SARDH: variants seen among roughly 807,000 people sequenced by gnomAD.
The protein encoded by SARDH is sarcosine dehydrogenase, mitochondrial.
Under a neutral mutation model 109.1 loss-of-function variants are expected in SARDH, and 95 were observed. That is an observed-to-expected ratio of 0.87 (90% CI 0.74 to 1.03). The LOEUF (loss-of-function observed/expected upper bound fraction) is 1.03, where lower values mean the gene tolerates loss of function less well. SARDH is among the 50% of genes least tolerant of loss of function. SARDH has a pLI of 0.00. For synonymous variants in SARDH, 572 were observed against 534.8 expected (o/e 1.07, Z -0.96); for missense variants, 1,267 against 1,287.8 (o/e 0.98, Z 0.25).
At chr9:133,664,164 G>T (rs1170091053) in intron 20 of SARDH, 150 bp from the exon 21 acceptor site, 4 of 1,081,114 alleles carry the variant, frequency 3.7e-6, no homozygotes, top group Non-Finnish European at 2.6e-6. Context: ...CTGAACCCAG[G>T]CATTGCCCCA....
At chr9:133,732,138 C>T (rs1156482799) in intron 3 of SARDH, among the ~76,000 whole-genome samples, 1 of 152,154 alleles carries the variant, frequency 6.6e-6, no homozygotes, top group Non-Finnish European at 1.5e-5. Flanking sequence ...TGTCACCTGC[C>T]GGGGCTCCTT....
chr9:133,671,426 G>T, intron 18 of SARDH, 109 bp downstream of exon 18: 2 of 1,337,236 alleles, frequency 1.5e-6, no homozygotes, highest in African/African-American at 1.5e-5. Flanking sequence ...AAGGAAGCCG[G>T]GTGACAACAC....
intron 13 of SARDH, among the ~76,000 whole-genome samples, chr9:133,701,200 C>G (rs1831471802): frequency 1.3e-5 from 2 of 152,224 alleles, no homozygotes; most frequent in Non-Finnish European, 2.9e-5. Context: ...TTGAAATCAG[C>G]CATGGAGAAA....
At chr9:133,735,464 G>A (rs770132980) in intron 1 of SARDH, among the ~76,000 whole-genome samples, 14 of 152,212 alleles carry the variant, frequency 9.2e-5, no homozygotes, top group South Asian at 4.1e-4. Context: ...GAGAGAAGGC[G>A]CTGATGAAGA....
chr9:133,702,558 C>A (rs1373639460), intron 13 of SARDH, among the ~76,000 whole-genome samples: 1 of 152,170 alleles, frequency 6.6e-6, no homozygotes, highest in Non-Finnish European at 1.5e-5. Flanking sequence ...CCCCTTCCCC[C>A]ACCACGTCTC....
chr9:133,700,953 T>C (rs1831462799), intron 13 of SARDH, among the ~76,000 whole-genome samples: 1 of 152,264 alleles, frequency 6.6e-6, no homozygotes, highest in Non-Finnish European at 1.5e-5. Flanking sequence ...CACAGCTTCC[T>C]GAACAGCTGC....
At chr9:133,719,096 G>C in intron 6 of SARDH, 54 bp from the exon 7 acceptor site, 1 of 1,483,660 alleles carries the variant, frequency 6.7e-7, no homozygotes, top group African/African-American at 1.4e-5. Context: ...TGGGGACTTG[G>C]TTCCCCATGC....
rs140509709 is a variant in SARDH at position 133,729,841 on chromosome 9, C to T, written c.839G>A (p.Arg280Gln). 1.9e-4 allele frequency: 314 copies of T among 1,612,112 alleles called. No individual in the cohort carries two copies. In the African/African-American group the frequency reaches 3.3e-3, roughly 17 times the overall value. Residue 280 changes from arginine (R) to glutamine (Q), a missense_variant, in exon 6 of 21, where the codon CGG (arginine) becomes CAG (glutamine). Arg to Gln is a conservative substitution (Grantham distance 43). Coordinates refer to ENST00000439388, the MANE Select transcript of SARDH (RefSeq NM_001134707.2). ...CAGVWASAVG[R>Q]MAGVKVPLVA... ...CAGCGGGACCTTGACTCCAGCCATC[C>T]GGCCCACAGCACTTGCCCACACTCC...
At chr9:133,725,100 AC>A (rs1564293392) in intron 6 of SARDH, among the ~76,000 whole-genome samples, 1 of 152,228 alleles carries the variant, frequency 6.6e-6, no homozygotes, top group Non-Finnish European at 1.5e-5. Flanking sequence ...CACGGACAAA[AC>A]CGTAAAAAGA....
intron 3 of SARDH, among the ~76,000 whole-genome samples, 199 bp from the exon 4 acceptor site, chr9:133,731,683 G>A (rs1564300382): frequency 6.6e-6 from 1 of 152,168 alleles, no homozygotes; most frequent in African/African-American, 2.4e-5. Context: ...GGCAGGCTCC[G>A]GGGCCAGGCC....
At chr9:133,716,114 C>T (rs1832112742) in intron 8 of SARDH, among the ~76,000 whole-genome samples, 1 of 152,212 alleles carries the variant, frequency 6.6e-6, no homozygotes, top group Non-Finnish European at 1.5e-5. Flanking sequence ...GCTGACTCGC[C>T]CTCCAGGGCC....
rs923169712 is a variant in SARDH, at chr9:133,666,178, G to A, written c.2631+557C>T. Among the ~76,000 whole-genome samples the A allele has an allele frequency of 6.6e-6, 1 of 152,066 alleles. No individual in the cohort carries two copies. Among genetic ancestry groups the A allele is most frequent in the African/African-American group, 2.4e-5 (1 of 41,390 alleles). ...CACCTGGAGGGGGTGGGGTTGCCTG[G>A]GGTCAGGGGTGTCGGGGGTGAGGAA... On this transcript the variant is annotated intron_variant, in intron 20 of 20. Coordinates refer to ENST00000439388, the MANE Select transcript of SARDH (RefSeq NM_001134707.2). This position sits in a 1 kb window ranked among gnomAD's most constrained non-coding sequence, Gnocchi z 5.2.
chr9:133,705,651 G>A (rs892414175), intron 11 of SARDH, among the ~76,000 whole-genome samples: 4 of 150,766 alleles, frequency 2.7e-5, no homozygotes, highest in African/African-American at 7.4e-5. Flanking sequence ...CCCTGGCCCC[G>A]ATAACCATCA....
In SARDH at chr9:133,686,843, C is replaced by A. The variant is rs1830903585; in HGVS notation, c.2070-1557G>T. ...TGGCCAAGACCCTTATGTAACCACT[C>A]AGCACCCACGTGGTGCCAAGCCCTG... On this transcript the variant is annotated intron_variant, in intron 16 of 20. Coordinates refer to ENST00000439388, the MANE Select transcript of SARDH (RefSeq NM_001134707.2). The surrounding 1 kb of genome is among the most constrained non-coding windows in gnomAD (Gnocchi z 4.0). Among the ~76,000 whole-genome samples the A allele has an allele frequency of 6.6e-6, 1 of 152,208 alleles. No individual in the cohort carries two copies. The highest frequency in any genetic ancestry group is 1.5e-5 in the Non-Finnish European group (1 of 68,032).
At position 133,671,610 on chromosome 9, in the gene SARDH, C is replaced by T. The variant is rs1369491086; in HGVS notation, c.2251G>A (p.Val751Met). ...KASCVPVYRA[V>M]MAAGAKHGLI... Reference sequence around the variant, plus strand: ...CCGTGCTTGGCACCCGCGGCCATCACAGCCCGGTACACAGGCACGCAGGAC... The same window carrying T: ...CCGTGCTTGGCACCCGCGGCCATCATAGCCCGGTACACAGGCACGCAGGAC... Residue 751 changes from valine to methionine, a missense_variant, in exon 18 of 21, where the codon GTG becomes ATG. Val to Met is a conservative substitution (Grantham distance 21). Coordinates refer to ENST00000439388, the MANE Select transcript of SARDH (RefSeq NM_001134707.2). 2 of 1,603,466 alleles carry T rather than the reference C, an allele frequency of 1.2e-6. No homozygotes were observed. The highest frequency in any genetic ancestry group is 1.1e-5 in the South Asian group (1 of 89,138).
In SARDH at chr9:133,663,973, C is replaced by T. The variant is rs1203184054; in HGVS notation, c.2673G>A (p.Glu891=). 2.5e-6 allele frequency: 4 copies of T among 1,614,178 alleles called. No individual in the cohort carries two copies. The highest frequency in any genetic ancestry group is 1.3e-5 in the African/African-American group (1 of 75,042). Reference sequence around the variant, plus strand: ...GGGCACCATAGGTCACCCCCATTCTCTCCAGGGCATAGTCCCCGCTCTTCA... The same window carrying T: ...GGGCACCATAGGTCACCCCCATTCTTTCCAGGGCATAGTCCCCGCTCTTCA... ...DFVKSGDYAL[E]RMGVTYGAQA... is the part of the protein sequence containing the mutation. The change falls in exon 21 of 21, where the codon GAG becomes GAA. Residue 891 remains glutamate, a synonymous_variant. Transcript: ENST00000439388.
chr9:133,668,357 C>G (rs956748829), intron 19 of SARDH, among the ~76,000 whole-genome samples: 1 of 122,532 alleles, frequency 8.2e-6, no homozygotes, highest in Non-Finnish European at 1.7e-5. Context: ...CTCACCCTCC[C>G]TCTCCCTCAC....
downstream of SARDH, among the ~76,000 whole-genome samples, chr9:133,660,997 G>T (rs556848115): frequency 2.6e-5 from 4 of 152,332 alleles, no homozygotes; most frequent in African/African-American, 7.2e-5. Flanking sequence ...GAGCCCAGGA[G>T]TTCAAGACCA....
intron 13 of SARDH, among the ~76,000 whole-genome samples, chr9:133,699,340 C>G (rs1386806582): frequency 6.6e-6 from 1 of 152,096 alleles, no homozygotes; most frequent in African/African-American, 2.4e-5. Context: ...AACCCCATCT[C>G]TACTACAAAT....
Sources: allele counts gnomAD v4.1 joint callset (sites outside exome capture counted in the v4.1 genomes callset), GRCh38; gene constraint gnomAD v4.1.1; non-coding constraint Gnocchi (gnomAD v3.1); transcripts MANE v1.5; gene names NCBI Gene and HGNC (gene_info 2026-07-23, HGNC 2026-07-21).